Variants in SPTBN5 observed in about 807,000 individuals in gnomAD.
The protein encoded by SPTBN5 is spectrin beta, non-erythrocytic 5, also known as spectrin beta chain, non-erythrocytic 5.
Under a neutral mutation model 477.6 loss-of-function variants are expected in SPTBN5, and 513 were observed. The ratio of observed to expected loss-of-function variants is 1.07; its 90% CI spans 1.00 to 1.16. The LOEUF is 1.16. SPTBN5 is among the 50% of genes most tolerant of loss of function. The pLI is 0.00. For missense variants in SPTBN5, 5,062 were observed against 4,731.8 expected (o/e 1.07, Z -2.05); for synonymous variants, 2,169 against 2,011.7 (o/e 1.08, Z -2.09).
In SPTBN5 at chr15:41,867,083, C is replaced by T. The variant is rs759030759; in HGVS notation, c.6356G>A (p.Arg2119Gln). The T allele has an allele frequency of 1.4e-4, 217 of 1,545,812 alleles. No homozygotes were observed. Among genetic ancestry groups the T allele is most frequent in the East Asian group, 2.7e-4 (11 of 40,992 alleles). Residue 2119 changes from arginine to glutamine, a missense_variant, in exon 36 of 68, where the codon CGG (arginine) becomes CAG (glutamine). Transcript: ENST00000320955. ...RERLKTLRRP[R>Q]VRDRLPILLQ... ...CAGGATGGGAAGCCGGTCCCGCACC[C>T]GGGGGCGCCGGAGCGTCTTCAGCCG...
rs979590436 is a variant in SPTBN5 at position 41,866,450 on chromosome 15, G to A, written c.6524C>T (p.Pro2175Leu). ...IQAWAQQLKE[P>L]VPPGDLRDKL... ...ATCTCTCAGGTCCCCAGGAGGGACC[G>A]GCTCCTTCAGCTGCTGGGCCCACGC... Residue 2175 changes from proline to leucine, a missense_variant, in exon 37 of 68, where the codon CCG (proline) becomes CTG (leucine). Physicochemically the swap from Pro to Leu is moderately conservative, Grantham distance 98. Transcript: ENST00000320955. 7.5e-6 allele frequency: 12 copies of A among 1,599,676 alleles called. No individual in the cohort carries two copies. In the South Asian group the frequency reaches 7.9e-5, roughly 10 times the overall value.
chr15:41,887,877 G>A, intron 5 of SPTBN5, 51 bp downstream of exon 5: 1 of 1,563,556 alleles, frequency 6.4e-7, no homozygotes, highest in Non-Finnish European at 8.7e-7. Flanking sequence ...CCCAAACCCA[G>A]GAGCTGTTGG....
At chr15:41,871,316 C>T in intron 29 of SPTBN5, 59 bp downstream of exon 29, 1 of 1,356,272 alleles carries the variant, frequency 7.4e-7, no homozygotes, top group Non-Finnish European at 9.5e-7. Flanking sequence ...CACTCTGGGC[C>T]CTGCCTGCCC....
At chr15:41,889,127 C>T (rs1050430039) in intron 4 of SPTBN5, among the ~76,000 whole-genome samples, 12 of 152,244 alleles carry the variant, frequency 7.9e-5, no homozygotes, top group African/African-American at 2.9e-4. Context: ...ACACCTGAAA[C>T]TGGCCAGGGG....
intron 47 of SPTBN5, 89 bp from the exon 48 acceptor site, chr15:41,859,069 T>A: frequency 1.0e-6 from 1 of 1,002,836 alleles, no homozygotes; most frequent in Non-Finnish European, 1.4e-6. Flanking sequence ...GGTATGAATA[T>A]ACTCTGAGTC....
At chr15:41,871,757 T>C (rs748796252) in intron 28 of SPTBN5, 25 bp downstream of exon 28, 17 of 1,538,256 alleles carry the variant, frequency 1.1e-5, no homozygotes, top group Non-Finnish European at 1.2e-5. Context: ...CAGGGCACCC[T>C]CCTTGACCCT....
rs757371610 is a variant in SPTBN5 at position 41,862,186 on chromosome 15, CG to C, written c.7491del (p.Ala2498LeufsTer12). The C allele has an allele frequency of 6.2e-7, 1 of 1,608,686 alleles. No homozygotes were observed. The highest frequency in any genetic ancestry group is 8.5e-7 in the Non-Finnish European group (1 of 1,177,394). On this transcript the variant is annotated frameshift_variant, in exon 44 of 68. Transcript: ENST00000320955. LOFTEE classifies it high-confidence loss of function. ...QRLRAQMDTS[P>X]APRSPVEARR... ...CGGGCTTCCACAGGGCTGCGAGGAG[CG>C]GGGCTCGTGTCCATCTGAGCCCGCA...
At chr15:41,883,515 C>T (rs531349625) in intron 7 of SPTBN5, 29 bp from the exon 8 acceptor site, 1 of 1,604,154 alleles carries the variant, frequency 6.2e-7, no homozygotes, top group African/African-American at 1.3e-5. Context: ...AGGGAGATCT[C>T]CTCTGGGTTG....
At chr15:41,854,328 C>T in intron 56 of SPTBN5, 123 bp from the exon 57 acceptor site, 1 of 1,227,174 alleles carries the variant, frequency 8.1e-7, no homozygotes, top group Non-Finnish European at 1.1e-6. Flanking sequence ...CTTGATGTGT[C>T]CCCAGGTACA....
rs764643900 is a variant in SPTBN5 at position 41,856,454 on chromosome 15, G to GCAGGTGGGC, written c.8944_8952dup (p.Ala2982_Leu2984dup). 40 of 1,595,322 alleles carry GCAGGTGGGC rather than the reference G, an allele frequency of 2.5e-5. No individual in the cohort carries two copies. Among genetic ancestry groups the GCAGGTGGGC allele is most frequent in the Non-Finnish European group, 3.2e-5 (37 of 1,171,904 alleles). Reference sequence around the variant, plus strand: ...AGCCGCCTCCGCGCCGCCTCTGCCCGCAGGTGGGCCATGGCCTTCTCCAGC... The same window carrying GCAGGTGGGC: ...AGCCGCCTCCGCGCCGCCTCTGCCCGCAGGTGGGCCAGGTGGGCCATGGCCTTCTCCAGC... On this transcript the variant is annotated inframe_insertion, in exon 53 of 68. Coordinates refer to ENST00000320955, the MANE Select transcript of SPTBN5 (RefSeq NM_016642.4).
rs1440724984 is a variant in SPTBN5 at position 41,862,793 on chromosome 15, C to T, written c.7260G>A (p.Val2420=). 6.4e-7 allele frequency: 1 copy of T among 1,568,788 alleles called. No homozygotes were observed. Among genetic ancestry groups the T allele is most frequent in the South Asian group, 1.2e-5 (1 of 85,214 alleles). Reference sequence around the variant, plus strand: ...AGCTCTACAGCCAGCTACGCACCTCCACCTGGGCCTGGATGGGGTGCACTT... The same window carrying T: ...AGCTCTACAGCCAGCTACGCACCTCTACCTGGGCCTGGATGGGGTGCACTT... The part of the protein sequence containing the change: ...EREVHPIQAQ[V]ESLEREVGRL... Residue 2420 remains valine (V), a synonymous_variant, in exon 42 of 68, where the codon GTG becomes GTA. Coordinates refer to ENST00000320955, the MANE Select transcript of SPTBN5 (RefSeq NM_016642.4).
At chr15:41,862,069 G>T in intron 44 of SPTBN5, 61 bp downstream of exon 44, 1 of 1,392,386 alleles carries the variant, frequency 7.2e-7, no homozygotes. Flanking sequence ...GAGATGAGAG[G>T]AAGGGGAGGG....
In SPTBN5 at chr15:41,854,937, G is replaced by A; in HGVS notation, c.9463C>T (p.Gln3155Ter). 6.4e-7 allele frequency: 1 copy of A among 1,567,080 alleles called. No homozygotes were observed. Among genetic ancestry groups the A allele is most frequent in the Non-Finnish European group, 8.6e-7 (1 of 1,158,322 alleles). The stretch of plus-strand genomic sequence containing the variant: ...TACACCTTGGCCTGGCCCAGGCTCT[G>A]CACTTCCTTTCTGAAAGCATCAAAC... Reference protein sequence around the residue: ...EKFDAFRKEVQSLGQAKVYAL... With the variant: ...EKFDAFRKEV The change falls in exon 56 of 68, where the codon CAG (glutamine) becomes TAG (stop). Residue 3155 changes from glutamine to a stop codon, truncating the protein, a stop_gained. Transcript: ENST00000320955. LOFTEE classifies it high-confidence loss of function.
rs371637389 is a variant in SPTBN5 at position 41,855,365 on chromosome 15, C to T, written c.9282G>A (p.Ala3094=). ...CCTGCAGGCCGTGCCCCCTGGCCTC[C>T]GCCCTCCGCAGCAGCTCTGCGTGGG... is the stretch of plus-strand genomic sequence containing the variant. ...REAHAELLRR[A]EARGHGLQEQ... Residue 3094 remains alanine, a synonymous_variant, in exon 55 of 68, where the codon GCG becomes GCA. Coordinates refer to ENST00000320955, the MANE Select transcript of SPTBN5 (RefSeq NM_016642.4). 2.9e-5 allele frequency: 47 copies of T among 1,605,258 alleles called. No homozygotes were observed. Among genetic ancestry groups the T allele is most frequent in the East Asian group, 2.5e-4 (11 of 44,870 alleles).
chr15:41,874,910 G>A lies in SPTBN5; in HGVS notation c.4434C>T (p.Leu1478=), dbSNP rs1291044265. Residue 1478 remains leucine, a synonymous_variant, in exon 23 of 68, where the codon CTC becomes CTT. Coordinates refer to ENST00000320955, the MANE Select transcript of SPTBN5 (RefSeq NM_016642.4). ...CGGCCATGCCATGGGCCATGGAGGCGAGGGCAGCCATCTTGGCAGCCAGGG... is the reference window on the plus strand; with the variant it reads ...CGGCCATGCCATGGGCCATGGAGGCAAGGGCAGCCATCTTGGCAGCCAGGG... The part of the protein sequence containing the change: ...SRTLAAKMAA[L]ASMAHGMAAS... 11 of 1,613,272 alleles carry A rather than the reference G, an allele frequency of 6.8e-6. No individual in the cohort carries two copies. The highest frequency in any genetic ancestry group is 1.3e-5 in the African/African-American group (1 of 75,048).
At position 41,881,082 on chromosome 15, in the gene SPTBN5, T is replaced by C. The variant is rs763250964; in HGVS notation, c.2610A>G (p.Thr870=). 1.9e-6 allele frequency: 3 copies of C among 1,609,860 alleles called. No individual in the cohort carries two copies. Among genetic ancestry groups the C allele is most frequent in the South Asian group, 2.2e-5 (2 of 90,362 alleles). ...CATAGTCCTGACTCAAGTGGTCCTGTGTCTGGAGTATAGTGTTGGGATCAA... is the reference window on the plus strand; with the variant it reads ...CATAGTCCTGACTCAAGTGGTCCTGCGTCTGGAGTATAGTGTTGGGATCAA... The part of the protein sequence containing the change: ...PDFDPNTILQ[T]QDHLSQDYES... Residue 870 remains threonine (T), a synonymous_variant, in exon 13 of 68, where the codon ACA becomes ACG. Transcript: ENST00000320955.
chr15:41,874,268 C>A, intron 24 of SPTBN5, 24 bp downstream of exon 24: 1 of 1,593,282 alleles, frequency 6.3e-7, no homozygotes, highest in South Asian at 1.1e-5. Flanking sequence ...GTCGGTAATC[C>A]TGTAGGAAGA....
At chr15:41,875,680 C>T (rs113239870) in intron 21 of SPTBN5, 58 bp from the exon 22 acceptor site, 52 of 1,507,430 alleles carry the variant, frequency 3.4e-5, no homozygotes, top group African/African-American at 1.9e-4. Context: ...CACCAGTGGC[C>T]GCAGCAGGCT....
rs2065621896 is a variant in SPTBN5, at chr15:41,848,289, T to C, written c.*327A>G. The C allele has an allele frequency of 1.9e-6, 1 of 520,022 alleles. No homozygotes were observed. The highest frequency in any genetic ancestry group is 3.5e-6 in the Non-Finnish European group (1 of 286,842). 32.2% of individuals were successfully genotyped at this position (520,022 alleles called of 1,614,324 possible). On this transcript the variant is annotated 3_prime_UTR_variant, in exon 68 of 68. Transcript: ENST00000320955. Reference sequence around the variant, plus strand: ...CACATTCTCTGCACACGTCTGCGTCTACCTGTGCTCAGAGTCACCCCTTCC... The same window carrying C: ...CACATTCTCTGCACACGTCTGCGTCCACCTGTGCTCAGAGTCACCCCTTCC...
Sources: gnomAD v4.1 joint callset for allele counts (sites outside exome capture counted in the v4.1 genomes callset) on GRCh38, gnomAD v4.1.1 for gene constraint, MANE v1.5 for transcripts, NCBI Gene and HGNC (gene_info 2026-07-23, HGNC 2026-07-21) for gene names.